SLC30A8: variants seen among roughly 807,000 people sequenced by gnomAD.
SLC30A8 encodes solute carrier family 30 member 8, also known as proton-coupled zinc antiporter SLC30A8.
SLC30A8 carries 27 observed loss-of-function variants against 36.9 expected under a neutral mutation model. The ratio of observed to expected loss-of-function variants is 0.73; its 90% CI spans 0.54 to 1.01. SLC30A8 has a LOEUF of 1.01. Among genes scored for constraint, SLC30A8 ranks in the 50% least tolerant of loss-of-function variants. The pLI is 0.00. For missense variants in SLC30A8, 439 were observed against 452.0 expected (o/e 0.97, Z 0.26); for synonymous variants, 164 against 172.4 (o/e 0.95, Z 0.38).
chr8:116,957,797 G>C (rs1402921518), intron 1 of SLC30A8, among the ~76,000 whole-genome samples: 1 of 152,092 alleles, frequency 6.6e-6, no homozygotes, highest in Non-Finnish European at 1.5e-5. Flanking sequence ...GCTGATTTTG[G>C]GTGATATTTA....
At position 116,984,449 on chromosome 8, in the gene SLC30A8, C is replaced by T. The variant is rs369411211; in HGVS notation, c.-266+33330C>T. On this transcript the variant is annotated intron_variant, in intron 1 of 10. Transcript: ENST00000427715. ...CAGCAATATATGAGTGACTCAGTTT[C>T]TACATGTCCTCACCAGCTTTTGGTA... is the stretch of plus-strand genomic sequence containing the variant. Among the ~76,000 whole-genome samples, 20 of 152,276 alleles carry T rather than the reference C, an allele frequency of 1.3e-4. No individual in the cohort carries two copies. In the South Asian group the frequency reaches 3.1e-3, roughly 24 times the overall value.
intron 1 of SLC30A8, among the ~76,000 whole-genome samples, chr8:116,983,860 G>A (rs1454366090): frequency 6.6e-6 from 1 of 152,072 alleles, no homozygotes; most frequent in Non-Finnish European, 1.5e-5. Flanking sequence ...GCGCTCATTT[G>A]TGTTTGTGTG....
At chr8:117,118,176 C>CAAAA (rs57091173) in intron 2 of SLC30A8, among the ~76,000 whole-genome samples, 1 of 87,564 alleles carries the variant, frequency 1.1e-5, no homozygotes. Flanking sequence ...CTCTCTGTCT[C>CAAAA]AAAAAAAAAA....
At chr8:117,007,826 T>C (rs911557703) in intron 1 of SLC30A8, among the ~76,000 whole-genome samples, 10 of 152,218 alleles carry the variant, frequency 6.6e-5, no homozygotes, top group African/African-American at 2.4e-4. Flanking sequence ...CCAAAAAATA[T>C]TCTTTTTTAA....
intron 2 of SLC30A8, among the ~76,000 whole-genome samples, chr8:117,124,682 A>G (rs1329618475): frequency 6.6e-6 from 1 of 151,722 alleles, no homozygotes; most frequent in Non-Finnish European, 1.5e-5. Context: ...AAATCAGTGA[A>G]TAACGGTAAA....
At chr8:117,100,296 A>G (rs566581937) in intron 2 of SLC30A8, among the ~76,000 whole-genome samples, 15 of 152,318 alleles carry the variant, frequency 9.8e-5, no homozygotes, top group African/African-American at 2.9e-4. Flanking sequence ...AGCTTGAGCA[A>G]TATCACAGTG....
intron 1 of SLC30A8, among the ~76,000 whole-genome samples, chr8:116,953,424 A>T (rs1339982762): frequency 2.6e-5 from 4 of 152,102 alleles, no homozygotes; most frequent in Non-Finnish European, 5.9e-5. Flanking sequence ...TTCCATGCTG[A>T]GTCAAGTAGT....
intron 1 of SLC30A8, among the ~76,000 whole-genome samples, chr8:116,955,984 A>G (rs1814188216): frequency 6.6e-6 from 1 of 152,226 alleles, no homozygotes; most frequent in Non-Finnish European, 1.5e-5. Context: ...ATGGAAAATG[A>G]GAGTGCATTA....
intron 1 of SLC30A8, among the ~76,000 whole-genome samples, chr8:117,029,571 G>A (rs570084867): frequency 5.3e-5 from 8 of 152,088 alleles, no homozygotes; most frequent in African/African-American, 7.2e-5. Context: ...CATAACCCTC[G>A]CATTGCTGAG....
intron 1 of SLC30A8, among the ~76,000 whole-genome samples, chr8:116,990,262 C>T (rs1415531359): frequency 6.6e-6 from 1 of 151,928 alleles, no homozygotes; most frequent in Non-Finnish European, 1.5e-5. Flanking sequence ...GGAGGTGACA[C>T]CCAGTCTTAC....
intron 1 of SLC30A8, among the ~76,000 whole-genome samples, chr8:117,002,386 C>G (rs762352567): frequency 5.3e-5 from 8 of 152,134 alleles, no homozygotes; most frequent in Non-Finnish European, 8.8e-5. Flanking sequence ...ATCCGAAAGA[C>G]TTGCCCCAAG....
At chr8:117,126,766 A>G (rs914691151) in intron 2 of SLC30A8, among the ~76,000 whole-genome samples, 1 of 152,048 alleles carries the variant, frequency 6.6e-6, no homozygotes, top group Non-Finnish European at 1.5e-5. Flanking sequence ...AGAGATAACA[A>G]TAAGGGTGCT....
At chr8:117,020,385 T>C (rs531107719) in intron 1 of SLC30A8, among the ~76,000 whole-genome samples, 38 of 152,324 alleles carry the variant, frequency 2.5e-4, no homozygotes, top group Middle Eastern at 3.4e-3. Flanking sequence ...TTAAATATTG[T>C]CAAGGGTAGG....
At chr8:117,034,911 C>A (rs1817165287) in intron 1 of SLC30A8, among the ~76,000 whole-genome samples, 1 of 151,990 alleles carries the variant, frequency 6.6e-6, no homozygotes, top group African/African-American at 2.4e-5. Context: ...GAGGAACTGT[C>A]AAACACTTAT....
Position 117,171,102 on chromosome 8 carries a change from G to T in SLC30A8, c.898G>T (p.Val300Leu). 6.2e-7 allele frequency: 1 copy of T among 1,613,304 alleles called. No individual in the cohort carries two copies. Among genetic ancestry groups the T allele is most frequent in the Non-Finnish European group, 8.5e-7 (1 of 1,179,514 alleles). Residue 300 changes from valine to leucine, a missense_variant, in exon 7 of 8, where the codon GTG becomes TTG. Physicochemically the swap from Val to Leu is conservative, Grantham distance 32. Transcript: ENST00000456015. ...LILAVDGVLS[V>L]HSLHIWSLTM... ...TTTAGCAGTCGACGGGGTGCTGTCT[G>T]TGCACAGCCTGCACATCTGGTCTCT...
intron 1 of SLC30A8, among the ~76,000 whole-genome samples, chr8:116,985,293 T>TACACACAC (rs71305454): frequency 5.6e-4 from 78 of 140,322 alleles, no homozygotes; most frequent in East Asian, 2.7e-3. Flanking sequence ...CTCACACACA[T>TACACACAC]ACACACACAC....
In SLC30A8 at chr8:117,012,153, T is replaced by C. The variant is rs115044863; in HGVS notation, c.-265-27066T>C. ...TAAAACTCATTTTGTATTTAGCATA[T>C]GCTGTTTGGAGTTTTAACTTTTTTT... is the stretch of plus-strand genomic sequence containing the variant. On this transcript the variant is annotated intron_variant, in intron 1 of 10. Transcript: ENST00000427715. 8.6e-3 allele frequency among the ~76,000 whole-genome samples: 1,309 copies of C among 152,322 alleles called. 23 individuals are homozygous for C. Among genetic ancestry groups the C allele is most frequent in the African/African-American group, 0.03 (1,240 of 41,576 alleles).
intron 2 of SLC30A8, among the ~76,000 whole-genome samples, chr8:117,095,882 G>A (rs1819338332): frequency 6.6e-6 from 1 of 152,138 alleles, no homozygotes; most frequent in Non-Finnish European, 1.5e-5. Context: ...GTATTATGGA[G>A]TAAATGTATA....
intron 5 of SLC30A8, among the ~76,000 whole-genome samples, chr8:117,163,181 T>G (rs1289327887): frequency 2.0e-5 from 3 of 152,236 alleles, no homozygotes; most frequent in Admixed American, 6.5e-5. Context: ...TCCTTTTAGT[T>G]CTTAAATTAT....
Sources: allele counts gnomAD v4.1 joint callset (sites outside exome capture counted in the v4.1 genomes callset), GRCh38; gene constraint gnomAD v4.1.1; transcripts MANE v1.5; gene names NCBI Gene and HGNC (gene_info 2026-07-23, HGNC 2026-07-21).